ASTN1: variants seen among roughly 807,000 people sequenced by gnomAD.
ASTN1 encodes astrotactin 1, also known as astrotactin-1.
Under a neutral mutation model 140.7 loss-of-function variants are expected in ASTN1, and 41 were observed. That is an observed-to-expected ratio of 0.29 (90% CI 0.23 to 0.38). ASTN1 has a LOEUF of 0.38. Among genes scored for constraint, ASTN1 ranks in the 10% least tolerant of loss-of-function variants. ASTN1 has a pLI of 1.00. For synonymous variants in ASTN1, 640 were observed against 652.2 expected (o/e 0.98, Z 0.29); for missense variants, 1,479 against 1,678.8 (o/e 0.88, Z 2.08).
chr1:177,136,060 A>C (rs941083852), intron 1 of ASTN1, among the ~76,000 whole-genome samples: 2 of 152,218 alleles, frequency 1.3e-5, no homozygotes, highest in Non-Finnish European at 2.9e-5. Context: ...ACTGCTCATT[A>C]AGAGAGCTTG....
intron 2 of ASTN1, among the ~76,000 whole-genome samples, chr1:177,046,617 A>C (rs1677238516): frequency 6.6e-6 from 1 of 152,214 alleles, no homozygotes; most frequent in South Asian, 2.1e-4. Flanking sequence ...TCCCACTCTG[A>C]AAACCTTTTA....
rs6704489 is a variant in ASTN1 at position 177,033,156 on chromosome 1, T to C, written c.472-307A>G. On this transcript the variant is annotated intron_variant, in intron 2 of 22. Transcript: ENST00000361833. ...GTGTGTGTGTGTGTGTGTGTGTGTG[T>C]GCGTGATTTCAGCTGCAAAAACAGG... Among the ~76,000 whole-genome samples, 1,027 of 148,806 alleles carry C rather than the reference T, an allele frequency of 6.9e-3. 11 individuals are homozygous for C. The highest frequency in any genetic ancestry group is 0.023 in the African/African-American group (939 of 40,698).
At chr1:177,077,179 G>A (rs1571749091) in intron 1 of ASTN1, among the ~76,000 whole-genome samples, 1 of 152,010 alleles carries the variant, frequency 6.6e-6, no homozygotes, top group African/African-American at 2.4e-5. Context: ...ACCTCGAGGA[G>A]GTGCTGCAAC....
intron 2 of ASTN1, among the ~76,000 whole-genome samples, chr1:177,045,877 T>C (rs1405096366): frequency 6.9e-6 from 1 of 144,964 alleles, no homozygotes; most frequent in African/African-American, 2.6e-5. Context: ...CTATTTAGAA[T>C]CTAATTATAT....
intron 8 of ASTN1, among the ~76,000 whole-genome samples, chr1:176,979,543 T>C (rs1673515022): frequency 6.6e-6 from 1 of 152,238 alleles, no homozygotes; most frequent in Non-Finnish European, 1.5e-5. Context: ...AATCTGTAAG[T>C]ACTTGTGATG....
At chr1:176,972,312 T>C (rs1280620456) in intron 8 of ASTN1, among the ~76,000 whole-genome samples, 3 of 152,106 alleles carry the variant, frequency 2.0e-5, no homozygotes, top group Non-Finnish European at 4.4e-5. Context: ...AGAGCCCACA[T>C]GAGGTTAGCG....
At chr1:177,011,641 C>CCACT (rs1675294324) in intron 8 of ASTN1, among the ~76,000 whole-genome samples, 1 of 150,398 alleles carries the variant, frequency 6.6e-6, no homozygotes, top group Non-Finnish European at 1.5e-5. Context: ...TGCACAGGCA[C>CCACT]CACTCACACA....
At chr1:177,081,637 T>A (rs1679183740) in intron 1 of ASTN1, among the ~76,000 whole-genome samples, 1 of 151,790 alleles carries the variant, frequency 6.6e-6, no homozygotes, top group South Asian at 2.1e-4. Context: ...AGTTACAGAG[T>A]CATGCAGTGA....
intron 1 of ASTN1, among the ~76,000 whole-genome samples, chr1:177,154,769 T>C (rs756567097): frequency 3.0e-4 from 45 of 151,884 alleles, no homozygotes; most frequent in African/African-American, 1.0e-3. Flanking sequence ...AAGAAGCAAA[T>C]AGGCAAATCA....
At chr1:176,915,031 A>G (rs1464252908) in intron 16 of ASTN1, among the ~76,000 whole-genome samples, 1 of 152,240 alleles carries the variant, frequency 6.6e-6, no homozygotes, top group Non-Finnish European at 1.5e-5. Context: ...TAATGGGAAA[A>G]TCTAAGTTAA....
At chr1:177,157,858 TA>T (rs749530965) in intron 1 of ASTN1, among the ~76,000 whole-genome samples, 5 of 152,208 alleles carry the variant, frequency 3.3e-5, no homozygotes, top group East Asian at 3.8e-4. Flanking sequence ...AAAATTGTAC[TA>T]TTTTTTTCAG....
At chr1:177,031,759 T>C (rs548590495) in intron 3 of ASTN1, among the ~76,000 whole-genome samples, 2 of 152,276 alleles carry the variant, frequency 1.3e-5, no homozygotes, top group East Asian at 3.9e-4. Context: ...CTATGGAGAT[T>C]TGCTGATTCA....
At chr1:176,907,448 G>T (rs560078018) in intron 16 of ASTN1, among the ~76,000 whole-genome samples, 1 of 152,312 alleles carries the variant, frequency 6.6e-6, no homozygotes, top group East Asian at 1.9e-4. Context: ...CAAGTGGCCT[G>T]ATTTGAAAAC....
At chr1:177,020,221 T>C (rs1051137777) in intron 7 of ASTN1, among the ~76,000 whole-genome samples, 3 of 152,202 alleles carry the variant, frequency 2.0e-5, no homozygotes, top group Non-Finnish European at 4.4e-5. Context: ...GTATAAGTTT[T>C]CTATTCCTAC....
intron 2 of ASTN1, among the ~76,000 whole-genome samples, chr1:177,048,504 T>C (rs1487839762): frequency 1.3e-5 from 2 of 152,180 alleles, no homozygotes; most frequent in South Asian, 2.1e-4. Context: ...AATTATATTA[T>C]ATAAAGGCTG....
At chr1:176,860,831 C>T (rs563667243), downstream of ASTN1, among the ~76,000 whole-genome samples, 35 of 152,276 alleles carry the variant, frequency 2.3e-4, no homozygotes, top group African/African-American at 6.3e-4. Context: ...TACATTTCAC[C>T]GGCTACTTAT....
chr1:177,157,947 C>A (rs1041824332), intron 1 of ASTN1, among the ~76,000 whole-genome samples: 1 of 152,054 alleles, frequency 6.6e-6, no homozygotes, highest in African/African-American at 2.4e-5. Flanking sequence ...CTCATTTATT[C>A]TCCTGGCTAG....
chr1:176,988,936 G>A (rs1023169975), intron 8 of ASTN1, among the ~76,000 whole-genome samples: 3 of 152,108 alleles, frequency 2.0e-5, no homozygotes, highest in African/African-American at 4.8e-5. Flanking sequence ...AGGAATATTG[G>A]GCTGCAATTG....
At chr1:177,097,667 A>C (rs1680089957) in intron 1 of ASTN1, among the ~76,000 whole-genome samples, 1 of 152,116 alleles carries the variant, frequency 6.6e-6, no homozygotes, top group Non-Finnish European at 1.5e-5. Context: ...ACCATCCCGG[A>C]GTTTATGCTA....
Sources: gnomAD v4.1 joint callset for allele counts (sites outside exome capture counted in the v4.1 genomes callset) on GRCh38, gnomAD v4.1.1 for gene constraint, MANE v1.5 for transcripts, NCBI Gene and HGNC (gene_info 2026-07-23, HGNC 2026-07-21) for gene names.